Variants in SAMD4A observed in about 807,000 individuals in gnomAD.
SAMD4A encodes the protein protein Smaug homolog 1.
SAMD4A carries 33 observed loss-of-function variants against 81.3 expected under a neutral mutation model. The ratio of observed to expected loss-of-function variants is 0.41; its 90% CI spans 0.31 to 0.54. SAMD4A has a LOEUF of 0.54. Ranked by LOEUF, SAMD4A falls within the 20% of genes least tolerant of loss-of-function variation. The pLI is 0.37. For synonymous variants in SAMD4A, 389 were observed against 382.1 expected, an observed-to-expected ratio of 1.02 and a Z score of -0.21; for missense variants, 854 against 951.1, an observed-to-expected ratio of 0.90 and a Z score of 1.34.
rs1361604827 is a variant in SAMD4A at position 54,763,410 on chromosome 14, C to T, written c.1511-1045C>T. On this transcript the variant is annotated intron_variant, in intron 7 of 12. Transcript: ENST00000554335. ...ACAATATTTCTATCAGTACAAATAGCGCCATCTCAAAGTTTTTTTTAAAGA... is the reference window on the plus strand; with the variant it reads ...ACAATATTTCTATCAGTACAAATAGTGCCATCTCAAAGTTTTTTTTAAAGA... 3.9e-5 allele frequency among the ~76,000 whole-genome samples: 6 copies of T among 151,992 alleles called. No homozygotes were observed. In the East Asian group the frequency reaches 1.2e-3, roughly 29 times the overall value.
At chr14:54,767,415 A>T (rs1464411298) in intron 8 of SAMD4A, among the ~76,000 whole-genome samples, 1 of 152,186 alleles carries the variant, frequency 6.6e-6, no homozygotes, top group East Asian at 1.9e-4. Context: ...AGGAGAGGAA[A>T]GTTCTGAATT....
chr14:54,756,086 A>G (rs1381677466), intron 6 of SAMD4A, among the ~76,000 whole-genome samples: 2 of 151,858 alleles, frequency 1.3e-5, no homozygotes, highest in Non-Finnish European at 2.9e-5. Context: ...TGCTGCAGAG[A>G]AACCGCAGAT....
chr14:54,707,886 G>A (rs1173102711), intron 3 of SAMD4A, among the ~76,000 whole-genome samples: 1 of 152,190 alleles, frequency 6.6e-6, no homozygotes, highest in African/African-American at 2.4e-5. Context: ...GTCTGAAAGG[G>A]ATTGAACGAG....
chr14:54,734,945 C>T (rs962124649), intron 3 of SAMD4A: 2 of 152,234 alleles, frequency 1.3e-5, no homozygotes, highest in Non-Finnish European at 2.9e-5. Flanking sequence ...TTCAGACTGA[C>T]TCTAATCCTG....
intron 2 of SAMD4A, among the ~76,000 whole-genome samples, chr14:54,613,259 C>G (rs780779405): frequency 2.8e-4 from 43 of 152,080 alleles, no homozygotes; most frequent in Non-Finnish European, 5.0e-4. Flanking sequence ...CTGATTCTGA[C>G]AACAATAGAA....
At chr14:54,620,057 G>C (rs537043204) in intron 2 of SAMD4A, among the ~76,000 whole-genome samples, 1 of 151,844 alleles carries the variant, frequency 6.6e-6, no homozygotes, top group East Asian at 1.9e-4. Flanking sequence ...AACTAAAACT[G>C]ATGGCTACTC....
chr14:54,591,894 C>A (rs1022341617), intron 2 of SAMD4A, among the ~76,000 whole-genome samples: 1 of 152,092 alleles, frequency 6.6e-6, no homozygotes, highest in Non-Finnish European at 1.5e-5. Context: ...GGGTTGAAAG[C>A]CTTCTCTCTA....
intron 4 of SAMD4A, among the ~76,000 whole-genome samples, chr14:54,744,397 C>A (rs925839459): frequency 3.3e-5 from 5 of 152,108 alleles, no homozygotes; most frequent in African/African-American, 9.7e-5. Context: ...TTGTACACAC[C>A]GCACAGCCTC....
At position 54,764,480 on chromosome 14, in the gene SAMD4A, A is replaced by G. The variant is rs1355021402; in HGVS notation, c.1536A>G (p.Arg512=). The change falls in exon 8 of 13, where the codon AGA becomes AGG. Residue 512 remains arginine, a synonymous_variant. Transcript: ENST00000554335. ...TGTGCACACAGCTCTTGGTCTCCAGACCTGATGAGGAAAATATAAGTTCCT... is the reference window on the plus strand; with the variant it reads ...TGTGCACACAGCTCTTGGTCTCCAGGCCTGATGAGGAAAATATAAGTTCCT... The part of the protein sequence containing the change: ...GKVCTQLLVS[R]PDEENISSYL... 1.4e-5 allele frequency: 22 copies of G among 1,612,306 alleles called. No homozygotes were observed. Among genetic ancestry groups the G allele is most frequent in the Non-Finnish European group, 1.9e-5 (22 of 1,178,714 alleles).
intron 3 of SAMD4A, among the ~76,000 whole-genome samples, chr14:54,706,879 C>G (rs1281956397): frequency 6.6e-6 from 1 of 152,030 alleles, no homozygotes; most frequent in Non-Finnish European, 1.5e-5. Context: ...AGAGGCCAAG[C>G]ATTGACACCC....
chr14:54,727,615 C>T (rs1308381792), intron 3 of SAMD4A, among the ~76,000 whole-genome samples: 2 of 152,186 alleles, frequency 1.3e-5, no homozygotes, highest in Non-Finnish European at 2.9e-5. Flanking sequence ...AGCAGCGCTT[C>T]ACTTTGCTCC....
intron 2 of SAMD4A, chr14:54,688,014 A>G: frequency 2.0e-6 from 2 of 985,674 alleles, no homozygotes; most frequent in Non-Finnish European, 2.4e-6. Flanking sequence ...TGAGGAGGGA[A>G]GAAAAGGAGA....
chr14:54,595,803 C>G (rs2033896894), intron 2 of SAMD4A, among the ~76,000 whole-genome samples: 1 of 152,130 alleles, frequency 6.6e-6, no homozygotes, highest in South Asian at 2.1e-4. Flanking sequence ...ATCTTTGTCC[C>G]ATGGAGCATA....
chr14:54,603,329 C>G (rs189607609), intron 2 of SAMD4A, among the ~76,000 whole-genome samples: 1 of 152,230 alleles, frequency 6.6e-6, no homozygotes, highest in East Asian at 1.9e-4. Flanking sequence ...TTTTTATTAG[C>G]CCAAAGATAA....
chr14:54,663,631 A>G (rs1233028294), intron 2 of SAMD4A, among the ~76,000 whole-genome samples: 2 of 152,196 alleles, frequency 1.3e-5, no homozygotes, highest in Non-Finnish European at 2.9e-5. Context: ...AGCAAACAAA[A>G]TTACTCTTCC....
intron 2 of SAMD4A, among the ~76,000 whole-genome samples, chr14:54,614,259 T>C (rs1022433107): frequency 6.6e-6 from 1 of 152,212 alleles, no homozygotes; most frequent in Admixed American, 6.5e-5. Context: ...TGTTAACATA[T>C]AATGGGGTTA....
intron 2 of SAMD4A, among the ~76,000 whole-genome samples, chr14:54,592,239 T>C (rs981801980): frequency 6.6e-6 from 1 of 152,174 alleles, no homozygotes; most frequent in African/African-American, 2.4e-5. Context: ...GTACCTTATG[T>C]TTAAGTTGTC....
intron 6 of SAMD4A, among the ~76,000 whole-genome samples, chr14:54,753,095 C>A (rs2038150691): frequency 7.9e-5 from 12 of 152,242 alleles, no homozygotes; most frequent in Admixed American, 7.8e-4. Context: ...CAGGGGCAGG[C>A]AGGAGACAGT....
intron 3 of SAMD4A, among the ~76,000 whole-genome samples, chr14:54,726,394 AC>A (rs1387201468): frequency 6.6e-6 from 1 of 152,204 alleles, no homozygotes; most frequent in African/African-American, 2.4e-5. Flanking sequence ...AGAGTGATCA[AC>A]CCTGAGCTAA....
Sources: gnomAD v4.1 joint callset for allele counts (sites outside exome capture counted in the v4.1 genomes callset) on GRCh38, gnomAD v4.1.1 for gene constraint, MANE v1.5 for transcripts, NCBI Gene and HGNC (gene_info 2026-07-23, HGNC 2026-07-21) for gene names.